Variants in LHFPL3 observed in about 807,000 individuals in gnomAD.
LHFPL3 encodes LHFPL tetraspan subfamily member 3 protein.
LHFPL3 carries 5 observed loss-of-function variants against 19.3 expected under a neutral mutation model. The observed-to-expected ratio is 0.26, with a 90% CI of 0.14 to 0.54. The LOEUF is 0.54. Among genes scored for constraint, LHFPL3 ranks in the 20% least tolerant of loss-of-function variants. The pLI, the probability that LHFPL3 is intolerant of heterozygous loss-of-function variation, is 0.94. For synonymous variants in LHFPL3, 133 were observed against 126.2 expected (o/e 1.05, Z -0.36); for missense variants, 249 against 307.4 (o/e 0.81, Z 1.42).
intron 1 of LHFPL3, among the ~76,000 whole-genome samples, chr7:104,441,089 A>G (rs1320730921): frequency 2.6e-5 from 4 of 152,132 alleles, no homozygotes; most frequent in Non-Finnish European, 4.4e-5. Context: ...TTTAAAGTTC[A>G]TTATACCATA....
At chr7:104,628,430 T>G (rs1791584096) in intron 1 of LHFPL3, among the ~76,000 whole-genome samples, 1 of 152,166 alleles carries the variant, frequency 6.6e-6, no homozygotes, top group Admixed American at 6.5e-5. Context: ...GTTGTAGAAC[T>G]CGCCAAGCAA....
At chr7:104,784,028 T>G (rs1233029542) in intron 2 of LHFPL3, among the ~76,000 whole-genome samples, 1 of 152,182 alleles carries the variant, frequency 6.6e-6, no homozygotes, top group African/African-American at 2.4e-5. Flanking sequence ...AGAGGCTCAA[T>G]GTAGTGCCAA....
At chr7:104,593,866 C>T (rs529232589) in intron 1 of LHFPL3, among the ~76,000 whole-genome samples, 1 of 148,116 alleles carries the variant, frequency 6.8e-6, no homozygotes, top group South Asian at 2.1e-4. Context: ...GGATTGCGAC[C>T]CCTGCTTTTT....
intron 1 of LHFPL3, among the ~76,000 whole-genome samples, chr7:104,572,425 G>A (rs1790247164): frequency 6.6e-6 from 1 of 152,196 alleles, no homozygotes; most frequent in South Asian, 2.1e-4. Context: ...TTCTAGTAGG[G>A]AGGAGGAAGA....
chr7:104,897,267 G>T (rs932226368), intron 2 of LHFPL3, among the ~76,000 whole-genome samples: 3 of 152,138 alleles, frequency 2.0e-5, no homozygotes, highest in African/African-American at 7.2e-5. Flanking sequence ...CTTAATTCTT[G>T]GTTACTTCTC....
intron 2 of LHFPL3, among the ~76,000 whole-genome samples, chr7:104,898,756 G>A (rs1265123170): frequency 6.6e-6 from 1 of 152,068 alleles, no homozygotes; most frequent in Non-Finnish European, 1.5e-5. Flanking sequence ...GAAGTTTGAG[G>A]CTGCAGCGGG....
At chr7:104,344,243 ATATTT>A (rs1162656894) in intron 1 of LHFPL3, among the ~76,000 whole-genome samples, 3 of 152,144 alleles carry the variant, frequency 2.0e-5, no homozygotes, top group African/African-American at 4.8e-5. Flanking sequence ...CTTGATGCTA[ATATTT>A]TATTTATTAT....
intron 2 of LHFPL3, among the ~76,000 whole-genome samples, chr7:104,901,561 G>GT (rs918114475): frequency 1.3e-5 from 2 of 151,844 alleles, no homozygotes; most frequent in African/African-American, 2.4e-5. Flanking sequence ...AAGCTTTTTT[G>GT]TTTTTTTGTT....
At chr7:104,778,766 C>T (rs539022190) in intron 2 of LHFPL3, among the ~76,000 whole-genome samples, 3 of 152,332 alleles carry the variant, frequency 2.0e-5, no homozygotes, top group Admixed American at 6.5e-5. Flanking sequence ...AGTTAAAATC[C>T]AGGCTGCAAC....
At chr7:104,369,041 CT>C (rs529947402) in intron 1 of LHFPL3, among the ~76,000 whole-genome samples, 2 of 152,124 alleles carry the variant, frequency 1.3e-5, no homozygotes, top group Non-Finnish European at 2.9e-5. Context: ...TAAACCATAC[CT>C]TTTTAAAGTT....
chr7:104,439,436 T>A (rs1050942422), intron 1 of LHFPL3, among the ~76,000 whole-genome samples: 1 of 152,166 alleles, frequency 6.6e-6, no homozygotes. Flanking sequence ...ATATAGTATA[T>A]ATACACATCA....
chr7:104,418,719 C>T (rs1233669498), intron 1 of LHFPL3, among the ~76,000 whole-genome samples: 2 of 152,122 alleles, frequency 1.3e-5, no homozygotes, highest in African/African-American at 4.8e-5. Context: ...AGAGAAGGGT[C>T]AGGTTTCATC....
chr7:104,659,801 C>G (rs1290016818), intron 1 of LHFPL3, among the ~76,000 whole-genome samples: 2 of 152,164 alleles, frequency 1.3e-5, no homozygotes, highest in African/African-American at 2.4e-5. Context: ...AGAAGGTTGT[C>G]TTGCTTTAAT....
chr7:104,844,273 C>A (rs1468619980), intron 2 of LHFPL3, among the ~76,000 whole-genome samples: 1 of 152,200 alleles, frequency 6.6e-6, no homozygotes, highest in Non-Finnish European at 1.5e-5. Context: ...TGTGAGGCAC[C>A]AGATGGAGGC....
chr7:104,514,457 C>G (rs1793883501), intron 1 of LHFPL3, among the ~76,000 whole-genome samples: 1 of 152,192 alleles, frequency 6.6e-6, no homozygotes, highest in Non-Finnish European at 1.5e-5. Context: ...GCCACAGTCA[C>G]CAGCCCATTG....
intron 1 of LHFPL3, among the ~76,000 whole-genome samples, chr7:104,642,588 A>G (rs1461229923): frequency 1.3e-5 from 2 of 152,118 alleles, no homozygotes; most frequent in Non-Finnish European, 2.9e-5. Context: ...GAAGCTTCTC[A>G]CTTGGGAATT....
At chr7:104,342,470 T>C (rs1299018019) in intron 1 of LHFPL3, among the ~76,000 whole-genome samples, 1 of 152,120 alleles carries the variant, frequency 6.6e-6, no homozygotes, top group East Asian at 1.9e-4. Context: ...TACCAGTTCC[T>C]ACCTACATAT....
chr7:104,827,254 T>A (rs1466796055), intron 2 of LHFPL3, among the ~76,000 whole-genome samples: 1 of 152,062 alleles, frequency 6.6e-6, no homozygotes, highest in East Asian at 1.9e-4. Context: ...GGCAAGCTCC[T>A]GTTTTATATG....
chr7:104,364,229 A>G (rs10487202), intron 1 of LHFPL3, among the ~76,000 whole-genome samples: 11,864 of 152,290 alleles, frequency 0.078, 569 homozygotes, highest in East Asian at 0.13. Flanking sequence ...CATTGGCTAT[A>G]GGCAAAGTTT....
Sources: allele counts gnomAD v4.1 joint callset (sites outside exome capture counted in the v4.1 genomes callset), GRCh38; gene constraint gnomAD v4.1.1; transcripts MANE v1.5; gene names NCBI Gene and HGNC (gene_info 2026-07-23, HGNC 2026-07-21).